ZNF521: variants seen among roughly 807,000 people sequenced by gnomAD.
The protein encoded by ZNF521 is LYST-interacting protein 3.
In ZNF521, 14 loss-of-function variants were observed where a neutral mutation model predicts 105.5. The observed-to-expected ratio is 0.13, with a 90% CI of 0.09 to 0.21. The LOEUF (loss-of-function observed/expected upper bound fraction) is 0.21. ZNF521 is among the 10% of genes least tolerant of loss of function. ZNF521 has a pLI of 1.00. For missense variants in ZNF521, 1,233 were observed against 1,629.7 expected (o/e 0.76, Z 4.19); for synonymous variants, 635 against 606.0 (o/e 1.05, Z -0.70).
chr18:25,079,334 G>A (rs1488112161), intron 7 of ZNF521, among the ~76,000 whole-genome samples: 1 of 152,146 alleles, frequency 6.6e-6, no homozygotes, highest in South Asian at 2.1e-4. Flanking sequence ...TTGTGTCCCT[G>A]GCCTCCATCC....
At chr18:25,069,653 G>A (rs2033165190) in intron 7 of ZNF521, among the ~76,000 whole-genome samples, 1 of 152,120 alleles carries the variant, frequency 6.6e-6, no homozygotes, top group Admixed American at 6.6e-5. Context: ...GCATTTTTGT[G>A]AGCTATGCTA....
At chr18:25,203,528 A>T (rs2036027897) in intron 4 of ZNF521, among the ~76,000 whole-genome samples, 1 of 152,086 alleles carries the variant, frequency 6.6e-6, no homozygotes, top group Admixed American at 6.6e-5. Flanking sequence ...GAGTCAGGAG[A>T]ATCACTTGAG....
At chr18:25,233,930 C>T (rs556966083) in intron 3 of ZNF521, among the ~76,000 whole-genome samples, 31 of 152,170 alleles carry the variant, frequency 2.0e-4, no homozygotes, top group Non-Finnish European at 3.8e-4. Context: ...ATTCCATCTT[C>T]CGCAGCCAAA....
chr18:25,120,090 C>T (rs1447444037), intron 5 of ZNF521, among the ~76,000 whole-genome samples: 2 of 152,114 alleles, frequency 1.3e-5, no homozygotes, highest in Non-Finnish European at 2.9e-5. Context: ...TCTGAACAGC[C>T]TTTTTTGTCT....
intron 4 of ZNF521, among the ~76,000 whole-genome samples, chr18:25,205,141 T>TA (rs34563599): frequency 0.16 from 11,819 of 74,728 alleles, 1,275 homozygotes; most frequent in Non-Finnish European, 0.21. Context: ...GTAGTGAAGG[T>TA]AAAAAAAAAA....
chr18:25,099,656 T>C (rs2033926607), intron 5 of ZNF521, among the ~76,000 whole-genome samples: 1 of 152,210 alleles, frequency 6.6e-6, no homozygotes, highest in South Asian at 2.1e-4. Flanking sequence ...ATTGTCTGTA[T>C]TCTCATGTTA....
chr18:25,305,201 G>GA (rs1420039303), intron 3 of ZNF521, among the ~76,000 whole-genome samples: 1 of 152,132 alleles, frequency 6.6e-6, no homozygotes, highest in Non-Finnish European at 1.5e-5. Context: ...ATTATAGCTA[G>GA]ACCAATTCCA....
At chr18:25,148,747 A>G (rs994227864) in intron 5 of ZNF521, among the ~76,000 whole-genome samples, 11 of 152,200 alleles carry the variant, frequency 7.2e-5, no homozygotes, top group African/African-American at 1.2e-4. Context: ...ATTAAAAAAA[A>G]AAGTCTTTTC....
chr18:25,090,825 C>T (rs2033728985), intron 6 of ZNF521, among the ~76,000 whole-genome samples: 1 of 152,168 alleles, frequency 6.6e-6, no homozygotes, highest in South Asian at 2.1e-4. Flanking sequence ...AACCTAGACT[C>T]TTGACTCGTT....
chr18:25,160,764 T>C (rs1410674241), intron 5 of ZNF521, among the ~76,000 whole-genome samples: 3 of 152,178 alleles, frequency 2.0e-5, no homozygotes, highest in African/African-American at 4.8e-5. Flanking sequence ...CCGTATGCCA[T>C]AATGGGAATG....
chr18:25,343,759 AAG>A (rs1914335992), intron 2 of ZNF521, among the ~76,000 whole-genome samples: 1 of 152,180 alleles, frequency 6.6e-6, no homozygotes, highest in South Asian at 2.1e-4. Context: ...GGATTTTTCA[AAG>A]CATTTACTAT....
At chr18:25,124,769 A>T (rs935576800) in intron 5 of ZNF521, among the ~76,000 whole-genome samples, 1 of 152,214 alleles carries the variant, frequency 6.6e-6, no homozygotes, top group African/African-American at 2.4e-5. Context: ...GTTCCAAACA[A>T]ATTAACATCT....
At chr18:25,322,552 A>C (rs56344174) in intron 2 of ZNF521, among the ~76,000 whole-genome samples, 16 of 145,464 alleles carry the variant, frequency 1.1e-4, no homozygotes, top group Admixed American at 2.0e-4. Flanking sequence ...AAAAAAAAAA[A>C]ACCCCCCCAC....
At chr18:25,062,954 G>C (rs933576842) in intron 7 of ZNF521, among the ~76,000 whole-genome samples, 1 of 152,028 alleles carries the variant, frequency 6.6e-6, no homozygotes, top group Non-Finnish European at 1.5e-5. Flanking sequence ...TTCTTCCCCA[G>C]GGGGAAACAG....
chr18:25,150,885 TTTTTTC>T (rs2035034645), intron 5 of ZNF521, among the ~76,000 whole-genome samples: 1 of 135,972 alleles, frequency 7.4e-6, no homozygotes, highest in Non-Finnish European at 1.6e-5. Context: ...TTTTTTTTTC[TTTTTTC>T]TTTTTTTTTT....
intron 3 of ZNF521, among the ~76,000 whole-genome samples, chr18:25,279,459 C>T (rs1462568912): frequency 6.6e-6 from 1 of 152,168 alleles, no homozygotes; most frequent in East Asian, 1.9e-4. Flanking sequence ...TTCTCTTTAA[C>T]AGGCAACAAA....
intron 2 of ZNF521, among the ~76,000 whole-genome samples, chr18:25,334,145 C>T (rs939446056): frequency 2.6e-5 from 4 of 152,174 alleles, no homozygotes; most frequent in Non-Finnish European, 5.9e-5. Flanking sequence ...AATCAGAAGA[C>T]AAAGCCTTTA....
intron 7 of ZNF521, among the ~76,000 whole-genome samples, chr18:25,071,882 C>T (rs996744098): frequency 1.3e-5 from 2 of 152,086 alleles, no homozygotes; most frequent in Non-Finnish European, 1.5e-5. Context: ...GTCACACATG[C>T]CTGGTGCGGG....
chr18:25,075,762 C>T (rs1261879959), intron 7 of ZNF521, among the ~76,000 whole-genome samples: 2 of 152,228 alleles, frequency 1.3e-5, no homozygotes. Context: ...AAACAGTCTA[C>T]TGAATCCACG....
Sources: allele counts gnomAD v4.1 joint callset (sites outside exome capture counted in the v4.1 genomes callset), GRCh38; gene constraint gnomAD v4.1.1; transcripts MANE v1.5; gene names NCBI Gene and HGNC (gene_info 2026-07-23, HGNC 2026-07-21).